The following EDN1 variants were observed in gnomAD, a reference collection of about 807,000 sequenced individuals.
The protein encoded by EDN1 is endothelin-1.
EDN1 carries 11 observed loss-of-function variants against 21.7 expected under a neutral mutation model. That is an observed-to-expected ratio of 0.51 (90% CI 0.32 to 0.84). EDN1 has a LOEUF of 0.84. Ranked by LOEUF, EDN1 falls within the 40% of genes least tolerant of loss-of-function variation. The pLI is 0.03. For synonymous variants in EDN1, 85 were observed against 90.6 expected, an observed-to-expected ratio of 0.94 and a Z score of 0.35; for missense variants, 244 against 262.3, an observed-to-expected ratio of 0.93 and a Z score of 0.48.
At position 12,295,881 on chromosome 6, in the gene EDN1, G is replaced by T. The variant is rs1561696123; in HGVS notation, c.534-81G>T. ...CCAGATTCAGGTTTTGTTTGTGCCAGATTCTAATTTTACATGTTTCTTTTG... is the reference window on the plus strand; with the variant it reads ...CCAGATTCAGGTTTTGTTTGTGCCATATTCTAATTTTACATGTTTCTTTTG... On this transcript the variant is annotated intron_variant, in intron 4 of 4. Coordinates refer to ENST00000379375, the MANE Select transcript of EDN1 (RefSeq NM_001955.5). 2.1e-6 allele frequency: 3 copies of T among 1,447,030 alleles called. No individual in the cohort carries two copies. The South Asian group carries it at 3.4e-5, about 17-fold the overall frequency. 89.6% of individuals were successfully genotyped at this position (1,447,030 alleles called of 1,614,324 possible). A position where few individuals can be genotyped will look rare whatever the true frequency, so the allele number is the denominator to read the frequency against.
the EDN1 span, among the ~76,000 whole-genome samples, chr6:12,279,113 C>A: frequency 2.0e-5 from 3 of 152,148 alleles, no homozygotes; most frequent in Non-Finnish European, 4.4e-5. Flanking sequence ...GCTTGGATAG[C>A]CCTGAGCATA....
At position 12,292,452 on chromosome 6, in the gene EDN1, T is replaced by C; in HGVS notation, c.176T>C (p.Met59Thr). Residue 59 changes from methionine to threonine, a missense_variant, in exon 2 of 5, where the codon ATG (methionine) becomes ACG (threonine). Coordinates refer to ENST00000379375, the MANE Select transcript of EDN1 (RefSeq NM_001955.5). ...AAGCGCTGCTCCTGCTCGTCCCTGA[T>C]GGATAAAGAGTGTGTCTACTTCTGC... ...RSKRCSCSSLMDKECVYFCHL... is the reference protein window; with the variant it reads ...RSKRCSCSSLTDKECVYFCHL... 2 of 1,614,232 alleles carry C rather than the reference T, an allele frequency of 1.2e-6. No individual in the cohort carries two copies. The highest frequency in any genetic ancestry group is 1.7e-6 in the Non-Finnish European group (2 of 1,180,042).
At chr6:12,241,166 C>CTTTTTTTTTT in the EDN1 span, among the ~76,000 whole-genome samples, 3 of 138,358 alleles carry the variant, frequency 2.2e-5, no homozygotes, top group Non-Finnish European at 3.1e-5. Context: ...TTCTTTCTTT[C>CTTTTTTTTTT]TTTTTTTTTT....
the EDN1 span, among the ~76,000 whole-genome samples, chr6:12,233,949 G>T: frequency 6.6e-6 from 1 of 152,190 alleles, no homozygotes; most frequent in African/African-American, 2.4e-5. Flanking sequence ...TGTAGGAAAA[G>T]AAACCAAATA....
At chr6:12,278,307 A>G in the EDN1 span, among the ~76,000 whole-genome samples, 2 of 152,164 alleles carry the variant, frequency 1.3e-5, no homozygotes, top group African/African-American at 4.8e-5. Context: ...AAATTCACCA[A>G]ACCTCATCAG....
the EDN1 span, among the ~76,000 whole-genome samples, chr6:12,249,274 C>T: frequency 5.9e-5 from 9 of 152,056 alleles, no homozygotes; most frequent in African/African-American, 1.7e-4. Context: ...GAATAAAATA[C>T]GTGAGATTCA....
At chr6:12,283,153 A>G in the EDN1 span, among the ~76,000 whole-genome samples, 1 of 152,232 alleles carries the variant, frequency 6.6e-6, no homozygotes, top group Non-Finnish European at 1.5e-5. Flanking sequence ...ATTTTCAAAT[A>G]AAAACAAATG....
chr6:12,291,217 T>TCCCCCC (rs56214323), intron 1 of EDN1, among the ~76,000 whole-genome samples: 32 of 92,130 alleles, frequency 3.5e-4, no homozygotes, highest in Admixed American at 7.4e-4. Flanking sequence ...AACTACCGCC[T>TCCCCCC]CCCCCCCCCC....
At chr6:12,265,741 C>T in the EDN1 span, among the ~76,000 whole-genome samples, 1 of 152,132 alleles carries the variant, frequency 6.6e-6, no homozygotes, top group Non-Finnish European at 1.5e-5. Context: ...ACAATGATGT[C>T]TTAGTTATAT....
chr6:12,243,161 AAAGT>A, the EDN1 span, among the ~76,000 whole-genome samples: 1 of 152,194 alleles, frequency 6.6e-6, no homozygotes, highest in African/African-American at 2.4e-5. Context: ...TTCTTATGAT[AAAGT>A]AAGTTAAGAA....
At chr6:12,268,986 T>C in the EDN1 span, among the ~76,000 whole-genome samples, 1 of 152,176 alleles carries the variant, frequency 6.6e-6, no homozygotes. Context: ...TTCCATTTAT[T>C]TGTGTCCTCT....
At chr6:12,263,050 T>G in the EDN1 span, among the ~76,000 whole-genome samples, 9 of 152,290 alleles carry the variant, frequency 5.9e-5, no homozygotes, top group African/African-American at 1.7e-4. Context: ...GCACATTTTC[T>G]TTAGAGCAGG....
the EDN1 span, among the ~76,000 whole-genome samples, chr6:12,243,791 T>C: frequency 3.3e-5 from 5 of 152,220 alleles, no homozygotes; most frequent in East Asian, 7.7e-4. Flanking sequence ...AACTGTACCA[T>C]AGTGATTCGA....
chr6:12,259,609 C>G, the EDN1 span, among the ~76,000 whole-genome samples: 3 of 151,536 alleles, frequency 2.0e-5, no homozygotes, highest in African/African-American at 4.8e-5. Flanking sequence ...TTTTAAAAAT[C>G]AAAGTGATGG....
At chr6:12,282,583 C>T in the EDN1 span, among the ~76,000 whole-genome samples, 1 of 152,150 alleles carries the variant, frequency 6.6e-6, no homozygotes, top group South Asian at 2.1e-4. Flanking sequence ...TCTCCTCTTC[C>T]TCCTCCTCCT....
At chr6:12,253,137 C>G in the EDN1 span, among the ~76,000 whole-genome samples, 1 of 152,114 alleles carries the variant, frequency 6.6e-6, no homozygotes, top group South Asian at 2.1e-4. Context: ...CATTCTATAG[C>G]CTGCCAAGAT....
chr6:12,236,618 T>C, the EDN1 span, among the ~76,000 whole-genome samples: 7,262 of 152,230 alleles, frequency 0.048, 580 homozygotes, highest in African/African-American at 0.17. Flanking sequence ...GAGCTTTATA[T>C]ATAAATTCAT....
chr6:12,230,586 C>T, the EDN1 span, among the ~76,000 whole-genome samples: 7 of 152,006 alleles, frequency 4.6e-5, no homozygotes, highest in Admixed American at 3.3e-4. Context: ...ATGTGAAGAA[C>T]GTGGTACAAA....
chr6:12,241,242 C>T, the EDN1 span, among the ~76,000 whole-genome samples: 2 of 150,868 alleles, frequency 1.3e-5, no homozygotes, highest in Admixed American at 6.6e-5. Flanking sequence ...CTTGGCTCAC[C>T]GCAACCTCTG....
Sources: allele counts gnomAD v4.1 joint callset (sites outside exome capture counted in the v4.1 genomes callset), GRCh38; gene constraint gnomAD v4.1.1; transcripts MANE v1.5; gene names NCBI Gene and HGNC (gene_info 2026-07-23, HGNC 2026-07-21).